Variants in TENM3 observed in about 807,000 individuals in gnomAD.
TENM3 encodes teneurin-3.
TENM3 carries 63 observed loss-of-function variants against 255.1 expected under a neutral mutation model. The ratio of observed to expected loss-of-function variants is 0.25; its 90% CI spans 0.20 to 0.30. The LOEUF is 0.30. Ranked by LOEUF, TENM3 falls within the 10% of genes least tolerant of loss-of-function variation. The pLI is 1.00. For missense variants in TENM3, 2,929 were observed against 3,461.1 expected, an observed-to-expected ratio of 0.85 and a Z score of 3.86; for synonymous variants, 1,306 against 1,322.3, an observed-to-expected ratio of 0.99 and a Z score of 0.27.
chr4:182,553,581 A>G (rs374353556), intron 3 of TENM3, among the ~76,000 whole-genome samples: 1 of 152,180 alleles, frequency 6.6e-6, no homozygotes, highest in Non-Finnish European at 1.5e-5. Context: ...TACTAGAGAT[A>G]AACTTAAGAG....
rs149617881 is a variant in TENM3, at chr4:182,529,070, T to C, written c.512-71854T>C. ...TGTGATTTCTATGCTTGCGACAAAC[T>C]CACTTTGGCTTATGAACTTGTCAAT... On this transcript the variant is annotated intron_variant, in intron 3 of 27. Coordinates refer to ENST00000511685, the MANE Select transcript of TENM3 (RefSeq NM_001080477.4). Among the ~76,000 whole-genome samples the C allele has an allele frequency of 1.4e-3, 218 of 152,374 alleles. 1 individual carries two copies. Among genetic ancestry groups the C allele is most frequent in the African/African-American group, 4.9e-3 (204 of 41,600 alleles).
At chr4:181,588,952 C>A in the TENM3 span, among the ~76,000 whole-genome samples, 1 of 152,110 alleles carries the variant, frequency 6.6e-6, no homozygotes, top group African/African-American at 2.4e-5. Context: ...CCAGTTCTAG[C>A]GGCTATGAGA....
At chr4:181,921,825 G>T in the TENM3 span, among the ~76,000 whole-genome samples, 1 of 152,084 alleles carries the variant, frequency 6.6e-6, no homozygotes, top group Admixed American at 6.5e-5. Flanking sequence ...TTTTCAAAGG[G>T]AATGCTTCCA....
At chr4:181,798,673 T>C in the TENM3 span, among the ~76,000 whole-genome samples, 2 of 152,226 alleles carry the variant, frequency 1.3e-5, no homozygotes, top group Admixed American at 6.5e-5. Context: ...TCCCAAGTAA[T>C]GTTTTTTTAT....
At chr4:182,477,780 T>G (rs114772829) in intron 3 of TENM3, among the ~76,000 whole-genome samples, 209 of 152,332 alleles carry the variant, frequency 1.4e-3, no homozygotes, top group African/African-American at 4.7e-3. Flanking sequence ...TACTTTATTT[T>G]TTAATACTTA....
At chr4:181,512,033 C>G in the TENM3 span, among the ~76,000 whole-genome samples, 55 of 152,250 alleles carry the variant, frequency 3.6e-4, no homozygotes, top group African/African-American at 1.3e-3. Flanking sequence ...GTCCTCAGCA[C>G]AGTCCTACAA....
chr4:182,209,104 A>T (rs985556953), intron 1 of TENM3, among the ~76,000 whole-genome samples: 21 of 151,570 alleles, frequency 1.4e-4, no homozygotes, highest in Non-Finnish European at 2.8e-4. Flanking sequence ...GGTAGCTGGG[A>T]TTACAGGTGC....
At chr4:182,385,026 T>C (rs538064453) in intron 3 of TENM3, among the ~76,000 whole-genome samples, 2 of 152,206 alleles carry the variant, frequency 1.3e-5, no homozygotes, top group South Asian at 4.1e-4. Context: ...ATCAGTGCAG[T>C]AAACTGCTCT....
At chr4:182,131,047 GT>G in the TENM3 span, among the ~76,000 whole-genome samples, 356 of 152,152 alleles carry the variant, frequency 2.3e-3, no homozygotes, top group Non-Finnish European at 3.8e-3. Flanking sequence ...TTTCAAGTGG[GT>G]TTTTGGCCAA....
At chr4:182,545,926 A>G (rs1159221341) in intron 3 of TENM3, among the ~76,000 whole-genome samples, 1 of 152,154 alleles carries the variant, frequency 6.6e-6, no homozygotes, top group Admixed American at 6.5e-5. Context: ...AAACTTAACC[A>G]TGAATAGCCT....
the TENM3 span, among the ~76,000 whole-genome samples, chr4:181,670,025 T>G: frequency 6.6e-6 from 1 of 152,324 alleles, no homozygotes; most frequent in Non-Finnish European, 1.5e-5. Context: ...GCTATGAAAT[T>G]TTATTTTCAT....
At chr4:182,457,353 A>C (rs1444918262) in intron 3 of TENM3, among the ~76,000 whole-genome samples, 2 of 152,142 alleles carry the variant, frequency 1.3e-5, no homozygotes, top group Admixed American at 6.5e-5. Context: ...GCCTAATAAT[A>C]GCTGACATTT....
At chr4:182,128,235 T>A in the TENM3 span, among the ~76,000 whole-genome samples, 1 of 151,278 alleles carries the variant, frequency 6.6e-6, no homozygotes, top group Non-Finnish European at 1.5e-5. Flanking sequence ...ATCTTATCCT[T>A]TTTTTTTCTA....
intron 1 of TENM3, among the ~76,000 whole-genome samples, chr4:182,210,026 C>T (rs1364215428): frequency 1.3e-5 from 2 of 152,152 alleles, no homozygotes; most frequent in East Asian, 3.9e-4. Flanking sequence ...TCCCCAGCCT[C>T]CCTGTGCCGC....
chr4:181,933,991 T>C, the TENM3 span, among the ~76,000 whole-genome samples: 1 of 152,158 alleles, frequency 6.6e-6, no homozygotes, highest in African/African-American at 2.4e-5. Context: ...AATGTGTCTC[T>C]ATTATTTCTA....
the TENM3 span, among the ~76,000 whole-genome samples, chr4:182,004,098 A>C: frequency 6.6e-6 from 1 of 152,074 alleles, no homozygotes; most frequent in Non-Finnish European, 1.5e-5. Flanking sequence ...TTTCTTCTAA[A>C]AAAACAAAAC....
At chr4:181,621,894 G>T in the TENM3 span, among the ~76,000 whole-genome samples, 1 of 152,176 alleles carries the variant, frequency 6.6e-6, no homozygotes. Flanking sequence ...CTGTGAGAAT[G>T]AGAATGAAAG....
intron 1 of TENM3, among the ~76,000 whole-genome samples, chr4:182,308,039 A>G (rs1457684033): frequency 6.6e-6 from 1 of 152,202 alleles, no homozygotes; most frequent in Non-Finnish European, 1.5e-5. Flanking sequence ...TCTACTGACT[A>G]GGTCCATTTT....
chr4:182,559,657 C>T (rs1742941489), intron 3 of TENM3, among the ~76,000 whole-genome samples: 1 of 151,916 alleles, frequency 6.6e-6, no homozygotes, highest in African/African-American at 2.4e-5. Context: ...TTGTTGTATT[C>T]TTTTTATAAC....
Sources: allele counts gnomAD v4.1 joint callset (sites outside exome capture counted in the v4.1 genomes callset), GRCh38; gene constraint gnomAD v4.1.1; transcripts MANE v1.5; gene names NCBI Gene and HGNC (gene_info 2026-07-23, HGNC 2026-07-21).